Variants in CEMIP2 observed in about 807,000 individuals in gnomAD.
The protein encoded by CEMIP2 is cell surface hyaluronidase CEMIP2.
CEMIP2 carries 79 observed loss-of-function variants against 146.9 expected under a neutral mutation model. That is an observed-to-expected ratio of 0.54 (90% confidence interval 0.45 to 0.65). The LOEUF (loss-of-function observed/expected upper bound fraction) is 0.65, where lower values mean the gene tolerates loss of function less well. CEMIP2 is among the 30% of genes least tolerant of loss of function. CEMIP2 has a pLI of 0.00. For missense variants in CEMIP2, 1,596 were observed against 1,696.2 expected, an observed-to-expected ratio of 0.94 and a Z score of 1.04; for synonymous variants, 601 against 606.3, an observed-to-expected ratio of 0.99 and a Z score of 0.13.
At chr9:71,695,266 A>C (rs1269439261) in intron 20 of CEMIP2, among the ~76,000 whole-genome samples, 2 of 152,152 alleles carry the variant, frequency 1.3e-5, no homozygotes, top group African/African-American at 4.8e-5. Flanking sequence ...CCAGTCTCCA[A>C]AACCTGTCTC....
intron 2 of CEMIP2, among the ~76,000 whole-genome samples, chr9:71,747,199 C>T (rs1282573304): frequency 6.6e-6 from 1 of 151,952 alleles, no homozygotes; most frequent in Non-Finnish European, 1.5e-5. Context: ...TTTTGATCAA[C>T]CTATGGCCAA....
intron 19 of CEMIP2, among the ~76,000 whole-genome samples, chr9:71,698,888 A>G (rs1822474389): frequency 6.6e-6 from 1 of 152,168 alleles, no homozygotes; most frequent in African/African-American, 2.4e-5. Context: ...GGAAGTCAAG[A>G]TTCTAAAAAA....
upstream of CEMIP2, among the ~76,000 whole-genome samples, chr9:71,769,367 C>T (rs564947275): frequency 7.9e-5 from 12 of 152,358 alleles, no homozygotes; most frequent in Middle Eastern, 3.4e-3. Flanking sequence ...AGTCACAGCC[C>T]CTACCTGGCC....
chr9:71,742,033 C>T (rs1047949547), intron 4 of CEMIP2, among the ~76,000 whole-genome samples: 1 of 152,080 alleles, frequency 6.6e-6, no homozygotes, highest in Non-Finnish European at 1.5e-5. Context: ...TTTTTAAAAA[C>T]CAGAAAATCT....
intron 13 of CEMIP2, 23 bp downstream of exon 13, chr9:71,717,925 A>C: frequency 6.3e-7 from 1 of 1,591,686 alleles, no homozygotes; most frequent in Non-Finnish European, 8.5e-7. Context: ...TCATCATATA[A>C]TAACTTGGTA....
rs1438121816 is a variant in CEMIP2, at chr9:71,745,360, T to C, written c.692A>G (p.Glu231Gly). ...FIGVEAGGTL[E>G]LHGARKASWT... ...CGATGCCTTCCGTGCCCCATGTAACTCCAGTGTCCCGCCAGCTTCCACACC... is the reference window on the plus strand; with the variant it reads ...CGATGCCTTCCGTGCCCCATGTAACCCCAGTGTCCCGCCAGCTTCCACACC... The change falls in exon 4 of 24, where the codon GAG becomes GGG. Residue 231 changes from glutamate to glycine, a missense_variant. Coordinates refer to ENST00000377044, the MANE Select transcript of CEMIP2 (RefSeq NM_013390.3). The C allele has an allele frequency of 2.5e-6, 4 of 1,613,812 alleles. No individual in the cohort carries two copies. Among genetic ancestry groups the C allele is most frequent in the Non-Finnish European group, 3.4e-6 (4 of 1,179,830 alleles).
chr9:71,696,501 A>T (rs184837232), intron 20 of CEMIP2, among the ~76,000 whole-genome samples: 1 of 151,760 alleles, frequency 6.6e-6, no homozygotes, highest in East Asian at 1.9e-4. Context: ...GCCAGTGCAG[A>T]GGCTTACACC....
Position 71,709,347 on chromosome 9 carries a change from C to G in CEMIP2, c.2897G>C (p.Gly966Ala). The change falls in exon 17 of 24, where the codon GGA becomes GCA. Residue 966 changes from glycine (G) to alanine (A), a missense_variant. By Grantham distance (60) the Gly-to-Ala change is moderately conservative. Coordinates refer to ENST00000377044, the MANE Select transcript of CEMIP2 (RefSeq NM_013390.3). ...GCGGATCAGGTAGTTGTCCATTCTTCCCACATAAGCATCCTTGTATCCTGT... is the reference window on the plus strand; with the variant it reads ...GCGGATCAGGTAGTTGTCCATTCTTGCCACATAAGCATCCTTGTATCCTGT... ...SVTGYKDAYV[G>A]RMDNYLIRHP... is the part of the protein sequence containing the mutation. 1.2e-6 allele frequency: 2 copies of G among 1,614,174 alleles called. No individual in the cohort carries two copies. The highest frequency in any genetic ancestry group is 2.2e-5 in the South Asian group (2 of 91,088).
At chr9:71,755,328 A>G (rs1275372336) in intron 1 of CEMIP2, among the ~76,000 whole-genome samples, 4 of 129,252 alleles carry the variant, frequency 3.1e-5, no homozygotes, top group African/African-American at 1.3e-4. Flanking sequence ...CTGGGAACCT[A>G]GTGAGACACC....
intron 20 of CEMIP2, among the ~76,000 whole-genome samples, chr9:71,695,683 A>G (rs1410821637): frequency 6.6e-6 from 1 of 152,154 alleles, no homozygotes; most frequent in African/African-American, 2.4e-5. Flanking sequence ...CAAAAAAAAC[A>G]AAAAACAAAA....
At chr9:71,695,571 G>A (rs1266255029) in intron 20 of CEMIP2, among the ~76,000 whole-genome samples, 1 of 152,092 alleles carries the variant, frequency 6.6e-6, no homozygotes, top group Non-Finnish European at 1.5e-5. Flanking sequence ...CTACTTGGGA[G>A]GCTGAGGCAG....
intron 1 of CEMIP2, among the ~76,000 whole-genome samples, chr9:71,758,034 G>A (rs750515473): frequency 2.6e-5 from 4 of 152,032 alleles, no homozygotes; most frequent in Non-Finnish European, 4.4e-5. Context: ...CTTTCTATAC[G>A]TAGTTTAGCA....
intron 10 of CEMIP2, among the ~76,000 whole-genome samples, chr9:71,728,302 C>CGTGTATATACATATAT (rs1554684803): frequency 0.034 from 398 of 11,576 alleles, 79 homozygotes; most frequent in East Asian, 0.14. Context: ...TATATATATA[C>CGTGTATATACATATAT]ATATATATAT....
chr9:71,765,026 C>G (rs1824749094), intron 1 of CEMIP2, among the ~76,000 whole-genome samples: 1 of 151,690 alleles, frequency 6.6e-6, no homozygotes, highest in Admixed American at 6.6e-5. Context: ...CCGTACAAAA[C>G]CAGACAAGAC....
intron 11 of CEMIP2, 150 bp downstream of exon 11, chr9:71,725,431 G>T (rs62547005): frequency 1.7e-5 from 14 of 831,832 alleles, no homozygotes; most frequent in Middle Eastern, 7.0e-4. Flanking sequence ...GCCTTCAGAA[G>T]TGTGAGCCAA....
intron 17 of CEMIP2, among the ~76,000 whole-genome samples, chr9:71,705,304 A>T: frequency 6.6e-6 from 1 of 152,172 alleles, no homozygotes; most frequent in East Asian, 1.9e-4. Context: ...AAAAAAAAAA[A>T]AGTTATAAAG....
chr9:71,755,560 A>AAAAAATG, intron 1 of CEMIP2, among the ~76,000 whole-genome samples: 1 of 152,156 alleles, frequency 6.6e-6, no homozygotes, highest in Non-Finnish European at 1.5e-5. Flanking sequence ...AATAAAAAAT[A>AAAAAATG]AAATTAAATA....
At chr9:71,716,746 C>A (rs564104522) in intron 13 of CEMIP2, among the ~76,000 whole-genome samples, 194 bp from the exon 14 acceptor site, 1 of 152,322 alleles carries the variant, frequency 6.6e-6, no homozygotes, top group South Asian at 2.1e-4. Flanking sequence ...CAAATCCGGG[C>A]TTTGTCAATT....
At chr9:71,697,770 A>T (rs753224760) in intron 20 of CEMIP2, 2 of 530,832 alleles carry the variant, frequency 3.8e-6, no homozygotes, top group Non-Finnish European at 6.6e-6. Flanking sequence ...TGTTCAAGGT[A>T]AACTGACGTA....
Sources: gnomAD v4.1 joint callset for allele counts (sites outside exome capture counted in the v4.1 genomes callset) on GRCh38, gnomAD v4.1.1 for gene constraint, MANE v1.5 for transcripts, NCBI Gene and HGNC (gene_info 2026-07-23, HGNC 2026-07-21) for gene names.